Variants in LPP observed in about 807,000 individuals in gnomAD.
LPP encodes lipoma-preferred partner.
In LPP, 38 loss-of-function variants were observed where a neutral mutation model predicts 60.4. That is an observed-to-expected ratio of 0.63 (90% CI 0.49 to 0.83). The LOEUF (loss-of-function observed/expected upper bound fraction) is 0.83. LPP is among the 40% of genes least tolerant of loss of function. LPP has a pLI of 0.00. For missense variants in LPP, 902 were observed against 783.6 expected, an observed-to-expected ratio of 1.15 and a Z score of -1.80; for synonymous variants, 328 against 290.8, an observed-to-expected ratio of 1.13 and a Z score of -1.30.
At chr3:188,490,436 G>A (rs183002637) in intron 5 of LPP, among the ~76,000 whole-genome samples, 256 of 151,276 alleles carry the variant, frequency 1.7e-3, no homozygotes, top group African/African-American at 6.0e-3. Flanking sequence ...TTGCTCTGTT[G>A]ACCAGCCTCT....
At chr3:188,809,528 T>A (rs1750235349) in intron 9 of LPP, among the ~76,000 whole-genome samples, 1 of 152,196 alleles carries the variant, frequency 6.6e-6, no homozygotes, top group Non-Finnish European at 1.5e-5. Flanking sequence ...TTGATAAAGT[T>A]GTTTGGTTTT....
intron 6 of LPP, among the ~76,000 whole-genome samples, chr3:188,547,997 C>G (rs534490001): frequency 6.6e-6 from 1 of 152,226 alleles, no homozygotes; most frequent in South Asian, 2.1e-4. Flanking sequence ...TTGGAGCACT[C>G]AGAAAAGACC....
intron 7 of LPP, among the ~76,000 whole-genome samples, chr3:188,664,690 G>A (rs1165530250): frequency 2.0e-5 from 3 of 151,958 alleles, no homozygotes; most frequent in Non-Finnish European, 2.9e-5. Flanking sequence ...TTAATTATGT[G>A]AAACAAAAAA....
At chr3:188,431,565 T>A (rs926721377) in intron 4 of LPP, among the ~76,000 whole-genome samples, 7 of 152,154 alleles carry the variant, frequency 4.6e-5, no homozygotes, top group Admixed American at 6.6e-5. Context: ...AAGCTGAGTT[T>A]ATCTTAGCCA....
intron 9 of LPP, among the ~76,000 whole-genome samples, chr3:188,832,834 A>G (rs995891263): frequency 2.6e-5 from 4 of 152,206 alleles, no homozygotes; most frequent in African/African-American, 9.7e-5. Flanking sequence ...ATTTCAAGGT[A>G]GGCTGGTGAG....
At chr3:188,611,923 C>T (rs2151418094) in intron 7 of LPP, among the ~76,000 whole-genome samples, 1 of 152,302 alleles carries the variant, frequency 6.6e-6, no homozygotes, top group African/African-American at 2.4e-5. Context: ...ACATCCCTAA[C>T]ATTTGGCCTG....
intron 7 of LPP, among the ~76,000 whole-genome samples, chr3:188,655,172 T>C (rs918547028): frequency 2.0e-5 from 3 of 152,198 alleles, no homozygotes; most frequent in Admixed American, 6.5e-5. Context: ...CCTTTAGCCT[T>C]AACTGATCTG....
intron 3 of LPP, among the ~76,000 whole-genome samples, chr3:188,401,352 T>C (rs1261260814): frequency 6.6e-6 from 1 of 152,226 alleles, no homozygotes; most frequent in African/African-American, 2.4e-5. Context: ...CTGATCCCTG[T>C]CCTACAGAAA....
At chr3:188,275,191 T>A (rs1032563143) in intron 2 of LPP, among the ~76,000 whole-genome samples, 18 of 152,212 alleles carry the variant, frequency 1.2e-4, no homozygotes, top group African/African-American at 3.6e-4. Context: ...GATTAAAACA[T>A]AACTGTACAG....
intron 4 of LPP, among the ~76,000 whole-genome samples, chr3:188,413,331 C>A (rs949233632): frequency 2.0e-5 from 3 of 152,058 alleles, no homozygotes; most frequent in African/African-American, 4.8e-5. Flanking sequence ...TGGGAAACAT[C>A]TTTTTTGGAG....
At chr3:188,580,430 C>T (rs760889162) in intron 6 of LPP, among the ~76,000 whole-genome samples, 1 of 152,110 alleles carries the variant, frequency 6.6e-6, no homozygotes, top group Non-Finnish European at 1.5e-5. Flanking sequence ...TTTGGGGTAG[C>T]TTTTTATGTT....
intron 5 of LPP, among the ~76,000 whole-genome samples, chr3:188,510,036 G>A (rs1024841872): frequency 3.3e-5 from 5 of 151,890 alleles, no homozygotes; most frequent in South Asian, 2.1e-4. Context: ...TCTTTAATAC[G>A]AGGTACTAAA....
chr3:188,626,503 A>AT (rs887925481), intron 7 of LPP, among the ~76,000 whole-genome samples: 8 of 151,706 alleles, frequency 5.3e-5, no homozygotes, highest in Admixed American at 2.0e-4. Flanking sequence ...TAAACTACAG[A>AT]TTTTTTTTTC....
Position 188,639,605 on chromosome 3 carries a change from G to A in LPP, c.1113+29761G>A, listed in dbSNP as rs1348715278. ...ACCTACAAAATGGGAGAAAATTTTCGCAACCTACTCATCTGACAAAGGGCT... is the reference window on the plus strand; with the variant it reads ...ACCTACAAAATGGGAGAAAATTTTCACAACCTACTCATCTGACAAAGGGCT... On this transcript the variant is annotated intron_variant, in intron 7 of 11. Coordinates refer to ENST00000617246, the MANE Select transcript of LPP (RefSeq NM_001375462.1). Among the ~76,000 whole-genome samples, 187 of 147,828 alleles carry A rather than the reference G, an allele frequency of 1.3e-3. 1 individual carries two copies. Among genetic ancestry groups the A allele is most frequent in the African/African-American group, 4.3e-3 (172 of 40,326 alleles).
At chr3:188,255,500 A>G (rs144878196) in intron 2 of LPP, among the ~76,000 whole-genome samples, 20 of 152,290 alleles carry the variant, frequency 1.3e-4, no homozygotes, top group African/African-American at 4.6e-4. Flanking sequence ...GCTTGGTCCT[A>G]TGAAACCTTT....
intron 8 of LPP, among the ~76,000 whole-genome samples, chr3:188,745,039 G>A (rs1384061304): frequency 6.6e-6 from 1 of 151,754 alleles, no homozygotes; most frequent in Non-Finnish European, 1.5e-5. Flanking sequence ...ATCCTTCATT[G>A]AGTCTCCTTT....
intron 9 of LPP, among the ~76,000 whole-genome samples, chr3:188,853,049 C>G (rs950420010): frequency 4.6e-5 from 7 of 152,002 alleles, no homozygotes; most frequent in African/African-American, 1.5e-4. Flanking sequence ...ACTCAGGAGG[C>G]TGAGGCAGGA....
chr3:188,684,302 C>T (rs1860179868), intron 7 of LPP, among the ~76,000 whole-genome samples: 3 of 152,228 alleles, frequency 2.0e-5, no homozygotes, highest in Admixed American at 2.0e-4. Flanking sequence ...CTAAAATTTT[C>T]TCCAGGTTCT....
At chr3:188,627,628 G>A (rs1463618467) in intron 7 of LPP, among the ~76,000 whole-genome samples, 3 of 152,130 alleles carry the variant, frequency 2.0e-5, no homozygotes, top group Non-Finnish European at 2.9e-5. Flanking sequence ...CAATAAGGGA[G>A]CACCCAGATT....
Sources: allele counts gnomAD v4.1 joint callset (sites outside exome capture counted in the v4.1 genomes callset), GRCh38; gene constraint gnomAD v4.1.1; transcripts MANE v1.5; gene names NCBI Gene and HGNC (gene_info 2026-07-23, HGNC 2026-07-21).